EPHA6: variants seen among roughly 807,000 people sequenced by gnomAD.
The protein encoded by EPHA6 is ephrin type-A receptor 6.
A neutral mutation model predicts 112.0 loss-of-function variants in EPHA6; 50 were observed. The observed-to-expected ratio is 0.45, with a 90% confidence interval of 0.36 to 0.56. The LOEUF (loss-of-function observed/expected upper bound fraction) is 0.56. Among genes scored for constraint, EPHA6 ranks in the 20% least tolerant of loss-of-function variants. EPHA6 has a pLI of 0.00. For synonymous variants in EPHA6, 529 were observed against 490.7 expected, an observed-to-expected ratio of 1.08 and a Z score of -1.03; for missense variants, 1,280 against 1,417.4, an observed-to-expected ratio of 0.90 and a Z score of 1.56.
At chr3:97,183,221 G>A (rs185081126) in intron 3 of EPHA6, among the ~76,000 whole-genome samples, 4 of 152,110 alleles carry the variant, frequency 2.6e-5, no homozygotes, top group Admixed American at 2.0e-4. Context: ...AGGTACAATC[G>A]AGTAGAGTCA....
rs556151633 is a variant in EPHA6, at chr3:97,191,637, C to A, written c.1115-34627C>A. 5.1e-4 allele frequency among the ~76,000 whole-genome samples: 77 copies of A among 152,132 alleles called. 2 individuals are homozygous for A. The East Asian group carries it at 0.013, about 26-fold the overall frequency. On this transcript the variant is annotated intron_variant, in intron 3 of 17. Transcript: ENST00000389672. ...TCCTGCAGTTCCATCTATGTTGTTG[C>A]AAGTGACAGAATCTCATTTTCTTTC...
chr3:97,541,869 G>A (rs779346169), intron 11 of EPHA6, among the ~76,000 whole-genome samples: 3 of 151,426 alleles, frequency 2.0e-5, no homozygotes, highest in Non-Finnish European at 4.4e-5. Context: ...TAGAAGGACA[G>A]AACTAATAGG....
chr3:97,109,122 ATGATTTATT>A (rs1338324134), intron 3 of EPHA6, among the ~76,000 whole-genome samples: 6 of 152,214 alleles, frequency 3.9e-5, no homozygotes, highest in African/African-American at 1.4e-4. Flanking sequence ...AGAAAGAACC[ATGATTTATT>A]TGATTCGGGT....
At chr3:97,077,828 A>T (rs770611832) in intron 3 of EPHA6, among the ~76,000 whole-genome samples, 3 of 152,032 alleles carry the variant, frequency 2.0e-5, no homozygotes, top group African/African-American at 7.3e-5. Context: ...AGTCTTTGCT[A>T]TTGTCAATAG....
chr3:97,389,684 A>G (rs571380759), intron 5 of EPHA6, among the ~76,000 whole-genome samples: 1 of 152,270 alleles, frequency 6.6e-6, no homozygotes, highest in South Asian at 2.1e-4. Context: ...ATAGCACAAC[A>G]TGTTGCATTT....
In EPHA6 at chr3:97,448,645, C is replaced by T; in HGVS notation, c.1809C>T (p.Thr603=). 4 of 1,613,564 alleles carry T rather than the reference C, an allele frequency of 2.5e-6. No homozygotes were observed. Among genetic ancestry groups the T allele is most frequent in the Non-Finnish European group, 3.4e-6 (4 of 1,179,608 alleles). The change falls in exon 7 of 18, where the codon ACC becomes ACT. Residue 603 remains threonine (T), a synonymous_variant. Transcript: ENST00000389672. Reference sequence around the variant, plus strand: ...TCATCACAGGTCTTAAGCCAGCCACCAAATATGTATTTCACATCCGAGTGA... The same window carrying T: ...TCATCACAGGTCTTAAGCCAGCCACTAAATATGTATTTCACATCCGAGTGA... ...SVIITGLKPA[T]KYVFHIRVRT...
chr3:96,847,541 C>T (rs887123582), intron 1 of EPHA6, among the ~76,000 whole-genome samples: 9 of 151,772 alleles, frequency 5.9e-5, no homozygotes, highest in South Asian at 2.1e-4. Flanking sequence ...ATTATAGAAT[C>T]GATAGGTCAT....
intron 11 of EPHA6, among the ~76,000 whole-genome samples, chr3:97,585,709 T>C (rs1331699971): frequency 6.6e-6 from 1 of 152,152 alleles, no homozygotes; most frequent in Non-Finnish European, 1.5e-5. Flanking sequence ...AAGAGGAAAA[T>C]ACTAATTTAG....
At chr3:97,009,735 G>A (rs2044012768) in intron 3 of EPHA6, among the ~76,000 whole-genome samples, 2 of 152,228 alleles carry the variant, frequency 1.3e-5, no homozygotes, top group Admixed American at 1.3e-4. Flanking sequence ...ATGGTTTCAT[G>A]AGTGGGATCT....
chr3:97,444,684 A>G (rs188435901), intron 6 of EPHA6, among the ~76,000 whole-genome samples: 1 of 152,262 alleles, frequency 6.6e-6, no homozygotes, highest in East Asian at 1.9e-4. Flanking sequence ...GCTGTCTTCT[A>G]TTGATACAGG....
intron 3 of EPHA6, among the ~76,000 whole-genome samples, chr3:97,172,802 T>C (rs1300226505): frequency 6.6e-6 from 1 of 151,972 alleles, no homozygotes; most frequent in African/African-American, 2.4e-5. Context: ...AATAATAGCA[T>C]CATCAATTTA....
chr3:96,963,160 C>CAAAA (rs376176100), intron 2 of EPHA6, among the ~76,000 whole-genome samples: 2 of 85,680 alleles, frequency 2.3e-5, no homozygotes, highest in East Asian at 3.4e-4. Flanking sequence ...AAACTGCATC[C>CAAAA]AAAAAAAAAA....
chr3:96,865,075 G>A (rs963770242), intron 1 of EPHA6, among the ~76,000 whole-genome samples: 1 of 151,970 alleles, frequency 6.6e-6, no homozygotes, highest in Admixed American at 6.6e-5. Flanking sequence ...GAGTATGTGA[G>A]GGTTCATTGT....
At chr3:97,221,873 T>C (rs369651755) in intron 3 of EPHA6, among the ~76,000 whole-genome samples, 3 of 151,724 alleles carry the variant, frequency 2.0e-5, no homozygotes, top group South Asian at 4.2e-4. Flanking sequence ...TCTACTGAAA[T>C]ACAAAAATTA....
intron 11 of EPHA6, among the ~76,000 whole-genome samples, chr3:97,574,700 G>A (rs1236574331): frequency 6.6e-6 from 1 of 151,954 alleles, no homozygotes; most frequent in African/African-American, 2.4e-5. Flanking sequence ...ACCCTACTAT[G>A]TAAAAATGAG....
chr3:97,133,879 T>G (rs547584735), intron 3 of EPHA6, among the ~76,000 whole-genome samples: 1 of 152,170 alleles, frequency 6.6e-6, no homozygotes, highest in South Asian at 2.1e-4. Flanking sequence ...TTTATCCTTT[T>G]AAGTTTATCA....
chr3:97,272,121 CTCTGTT>C (rs2108642875), intron 5 of EPHA6, among the ~76,000 whole-genome samples: 1 of 152,270 alleles, frequency 6.6e-6, no homozygotes, highest in South Asian at 2.1e-4. Context: ...CTGTTCCATT[CTCTGTT>C]TCTATTTATT....
intron 5 of EPHA6, among the ~76,000 whole-genome samples, chr3:97,271,546 C>T (rs757120088): frequency 1.3e-5 from 2 of 152,096 alleles, no homozygotes; most frequent in Non-Finnish European, 2.9e-5. Context: ...TTAGTAGAGA[C>T]GGGGTTTCAG....
intron 1 of EPHA6, among the ~76,000 whole-genome samples, chr3:96,851,794 G>A (rs1192810887): frequency 6.6e-6 from 1 of 152,010 alleles, no homozygotes; most frequent in East Asian, 1.9e-4. Context: ...AATAAATTTA[G>A]TACGGCCTGG....
Sources: allele counts gnomAD v4.1 joint callset (sites outside exome capture counted in the v4.1 genomes callset), GRCh38; gene constraint gnomAD v4.1.1; transcripts MANE v1.5; gene names NCBI Gene and HGNC (gene_info 2026-07-23, HGNC 2026-07-21).